PAX7: variants seen among roughly 807,000 people sequenced by gnomAD.
PAX7 encodes paired box 7.
A neutral mutation model predicts 50.7 loss-of-function variants in PAX7; 18 were observed. The ratio of observed to expected loss-of-function variants is 0.36; its 90% confidence interval spans 0.25 to 0.53. The LOEUF is 0.53. Ranked by LOEUF, PAX7 falls within the 20% of genes least tolerant of loss-of-function variation. The pLI is 0.93. For missense variants in PAX7, 644 were observed against 702.9 expected, an observed-to-expected ratio of 0.92 and a Z score of 0.95; for synonymous variants, 310 against 290.4, an observed-to-expected ratio of 1.07 and a Z score of -0.69.
intron 4 of PAX7, among the ~76,000 whole-genome samples, chr1:18,686,873 C>T (rs933423185): frequency 3.5e-5 from 5 of 144,600 alleles, no homozygotes; most frequent in Non-Finnish European, 7.5e-5. Flanking sequence ...CTCCTATCAT[C>T]TTTATTTTAT....
intron 7 of PAX7, among the ~76,000 whole-genome samples, chr1:18,710,551 A>T (rs190372610): frequency 7.9e-5 from 12 of 151,536 alleles, no homozygotes; most frequent in East Asian, 1.9e-4. Flanking sequence ...CCCAGAATTT[A>T]AAAAAAAACT....
chr1:18,703,532 T>TG (rs1481201283), intron 7 of PAX7, among the ~76,000 whole-genome samples: 1 of 152,230 alleles, frequency 6.6e-6, no homozygotes, highest in African/African-American at 2.4e-5. Flanking sequence ...GAATTGTGGA[T>TG]GGGGTTCTGG....
chr1:18,667,402 G>GGAAA (rs1282569358), intron 4 of PAX7, among the ~76,000 whole-genome samples: 2 of 124,754 alleles, frequency 1.6e-5, no homozygotes, highest in Non-Finnish European at 3.5e-5. Flanking sequence ...AAGGAAGGAA[G>GGAAA]GAAGGAAGGA....
chr1:18,724,577 G>T (rs186206666), intron 7 of PAX7, among the ~76,000 whole-genome samples: 1 of 151,898 alleles, frequency 6.6e-6, no homozygotes, highest in Non-Finnish European at 1.5e-5. Flanking sequence ...TCCTGCAGAG[G>T]ATGGTACTAT....
intron 7 of PAX7, among the ~76,000 whole-genome samples, chr1:18,722,442 T>C (rs1201147822): frequency 2.0e-5 from 3 of 152,230 alleles, no homozygotes; most frequent in Admixed American, 2.0e-4. Context: ...GGTACGTCAA[T>C]GCCGTGGGCA....
At chr1:18,670,520 C>G (rs946064859) in intron 4 of PAX7, among the ~76,000 whole-genome samples, 1 of 152,200 alleles carries the variant, frequency 6.6e-6, no homozygotes, top group East Asian at 1.9e-4. Flanking sequence ...TAGCCCAGGC[C>G]TTGTTCTCCA....
At position 18,707,421 on chromosome 1, in the gene PAX7, T is replaced by C. The variant is rs1293937618; in HGVS notation, c.1155+4125T>C. On this transcript the variant is annotated intron_variant, in intron 7 of 8. Transcript: ENST00000420770. ...TCCTTTTCTTTTTTTCTTTCTTTTT[T>C]TTTTTTTTTTTTTTTTGAGATAGGG... Among the ~76,000 whole-genome samples the C allele has an allele frequency of 1.2e-3, 165 of 142,270 alleles. 1 individual carries two copies. Among genetic ancestry groups the C allele is most frequent in the Admixed American group, 6.7e-3 (96 of 14,300 alleles). The allele number at this position is 142,270 out of a possible 152,430, so 93.3% of individuals were successfully genotyped here.
At position 18,663,714 on chromosome 1, in the gene PAX7, C is replaced by G. The variant is rs115263724; in HGVS notation, c.586+27343C>G. 9.9e-3 allele frequency among the ~76,000 whole-genome samples: 1,506 copies of G among 152,344 alleles called. 22 individuals carry two copies. The highest frequency in any genetic ancestry group is 0.034 in the African/African-American group (1,426 of 41,574). ...GAATTTGAATTTGGGTTTTCTGACTCTCAATCCTCTAGGATAATTTGGGGT... is the reference window on the plus strand; with the variant it reads ...GAATTTGAATTTGGGTTTTCTGACTGTCAATCCTCTAGGATAATTTGGGGT... On this transcript the variant is annotated intron_variant, in intron 4 of 8. Coordinates refer to ENST00000420770, the MANE Select transcript of PAX7 (RefSeq NM_001135254.2).
At chr1:18,653,250 C>T (rs944320960) in intron 4 of PAX7, among the ~76,000 whole-genome samples, 15 of 149,636 alleles carry the variant, frequency 1.0e-4, no homozygotes, top group African/African-American at 3.5e-4. Flanking sequence ...TTTTGATTTG[C>T]GCTTGGGTTT....
intron 4 of PAX7, among the ~76,000 whole-genome samples, chr1:18,668,016 C>A (rs376758780): frequency 6.6e-6 from 1 of 152,154 alleles, no homozygotes; most frequent in Non-Finnish European, 1.5e-5. Context: ...GGGAAACTTC[C>A]GGGCAAAACC....
At chr1:18,704,951 G>T (rs192574324) in intron 7 of PAX7, among the ~76,000 whole-genome samples, 23 of 152,308 alleles carry the variant, frequency 1.5e-4, no homozygotes, top group Admixed American at 1.5e-3. Context: ...TGAATGAGAT[G>T]ATCTGTGGAA....
chr1:18,705,433 G>A (rs2089270922), intron 7 of PAX7, among the ~76,000 whole-genome samples: 1 of 152,152 alleles, frequency 6.6e-6, no homozygotes, highest in Non-Finnish European at 1.5e-5. Flanking sequence ...AGGGTCTTTG[G>A]GGTTCTGTGT....
At chr1:18,692,712 C>G (rs767383560) in intron 5 of PAX7, among the ~76,000 whole-genome samples, 1 of 152,194 alleles carries the variant, frequency 6.6e-6, no homozygotes, top group Non-Finnish European at 1.5e-5. Context: ...GTTCTGTTAC[C>G]GGAAGCATGC....
intron 4 of PAX7, among the ~76,000 whole-genome samples, chr1:18,691,539 T>G (rs1455953039): frequency 6.6e-6 from 1 of 152,236 alleles, no homozygotes; most frequent in Admixed American, 6.5e-5. Context: ...TAAGCAATAC[T>G]CTAGGGTTGG....
At position 18,705,331 on chromosome 1, in the gene PAX7, C is replaced by T. The variant is rs369898141; in HGVS notation, c.1155+2035C>T. Among the ~76,000 whole-genome samples, 11 of 152,244 alleles carry T rather than the reference C, an allele frequency of 7.2e-5. No individual in the cohort carries two copies. The East Asian group carries it at 1.2e-3, about 16-fold the overall frequency. ...TGAACTGGCTGGGGGAGGACACTGC[C>T]GAGATCCAAGCTTTCCACACCCAAG... On this transcript the variant is annotated intron_variant, in intron 7 of 8. Transcript: ENST00000420770.
In PAX7 at chr1:18,632,504, G is replaced by A. The variant is rs1408302524; in HGVS notation, c.85+816G>A. Among the ~76,000 whole-genome samples, 1 of 152,186 alleles carries A rather than the reference G, an allele frequency of 6.6e-6. No homozygotes were observed. The highest frequency in any genetic ancestry group is 1.5e-5 in the Non-Finnish European group (1 of 68,040). On this transcript the variant is annotated intron_variant, in intron 1 of 8. Transcript: ENST00000420770. The surrounding 1 kb of genome is among the most constrained non-coding windows in gnomAD (Gnocchi z 6.3). ...GGAGAAAAGGCTGGGAGCGCACAGCGGAGAGACCCGCTCCTGTGTTTTTGT... is the reference window on the plus strand; with the variant it reads ...GGAGAAAAGGCTGGGAGCGCACAGCAGAGAGACCCGCTCCTGTGTTTTTGT...
rs2089243604 is a variant in PAX7 at position 18,703,177 on chromosome 1, G to A, written c.1036G>A (p.Ala346Thr). ...QGGLAAAAAAADTSSAYGARH... is the reference protein window; with the variant it reads ...QGGLAAAAAATDTSSAYGARH... Reference sequence around the variant, plus strand: ...CGGGCTGGCTGCAGCGGCTGCAGCCGCCGACACCAGCTCTGCCTACGGAGC... The same window carrying A: ...CGGGCTGGCTGCAGCGGCTGCAGCCACCGACACCAGCTCTGCCTACGGAGC... The change falls in exon 7 of 9, where the codon GCC becomes ACC. Residue 346 changes from alanine (A) to threonine (T), a missense_variant. Coordinates refer to ENST00000420770, the MANE Select transcript of PAX7 (RefSeq NM_001135254.2). 1.2e-6 allele frequency: 2 copies of A among 1,612,576 alleles called. No individual in the cohort carries two copies. Among genetic ancestry groups the A allele is most frequent in the African/African-American group, 1.3e-5 (1 of 74,926 alleles).
intron 7 of PAX7, among the ~76,000 whole-genome samples, chr1:18,707,988 G>A (rs1277480533): frequency 6.6e-6 from 1 of 152,120 alleles, no homozygotes; most frequent in Non-Finnish European, 1.5e-5. Flanking sequence ...AGGAGGTTTA[G>A]ATACCCTTGA....
chr1:18,695,052 G>A (rs1355588618), intron 5 of PAX7, among the ~76,000 whole-genome samples: 1 of 152,046 alleles, frequency 6.6e-6, no homozygotes. Flanking sequence ...CTGGCAGATG[G>A]GTGGGTTAGT....
Sources: allele counts gnomAD v4.1 joint callset (sites outside exome capture counted in the v4.1 genomes callset), GRCh38; gene constraint gnomAD v4.1.1; non-coding constraint Gnocchi (gnomAD v3.1); transcripts MANE v1.5; gene names NCBI Gene and HGNC (gene_info 2026-07-23, HGNC 2026-07-21).